PLCG1: variants seen among roughly 807,000 people sequenced by gnomAD.
PLCG1 encodes 1-phosphatidylinositol 4,5-bisphosphate phosphodiesterase gamma-1.
PLCG1 carries 71 observed loss-of-function variants against 177.8 expected under a neutral mutation model. The ratio of observed to expected loss-of-function variants is 0.40; its 90% confidence interval spans 0.33 to 0.49. The LOEUF (loss-of-function observed/expected upper bound fraction) is 0.49. Ranked by LOEUF, PLCG1 falls within the 20% of genes least tolerant of loss-of-function variation. The pLI is 0.72. For missense variants in PLCG1, 1,281 were observed against 1,709.0 expected (o/e 0.75, Z 4.42); for synonymous variants, 658 against 647.9 (o/e 1.02, Z -0.24).
At position 41,163,397 on chromosome 20, in the gene PLCG1, G is replaced by C. The variant is rs1295004952; in HGVS notation, c.809G>C (p.Arg270Pro). ...CATCAGGAGCTGTGGGCTGTTGATC[G>C]CCTCCAGGTGCAGGAGTTCATGCTC... ...DYQGELWAVD[R>P]LQVQEFMLSF... The change falls in exon 9 of 32, where the codon CGC (arginine) becomes CCC (proline). Residue 270 changes from arginine (R) to proline (P), a missense_variant. Physicochemically the swap from Arg to Pro is moderately radical, Grantham distance 103 (BLOSUM62 -2). Around this residue, in one of 4 missense-constraint regions of PLCG1, gnomAD observed 374 missense variants for 443.8 expected, o/e 0.84. Coordinates refer to ENST00000685551, the MANE Select transcript of PLCG1 (RefSeq NM_002660.3). The surrounding 1 kb of genome is among the most constrained non-coding windows in gnomAD (Gnocchi z 5.2). The C allele has an allele frequency of 1.9e-6, 3 of 1,612,912 alleles. No homozygotes were observed. The highest frequency in any genetic ancestry group is 2.5e-6 in the Non-Finnish European group (3 of 1,179,182).
rs561326901 is a variant in PLCG1, at chr20:41,173,956, G to A, written c.3590G>A (p.Ser1197Asn). The change falls in exon 30 of 32, where the codon AGT (serine) becomes AAT (asparagine). Residue 1197 changes from serine (S) to asparagine (N), a missense_variant. Ser to Asn is a conservative substitution (Grantham distance 46, BLOSUM62 1). This residue lies in a region of PLCG1 where 153 missense variants were observed against 153.2 expected (regional missense o/e 1.00). Transcript: ENST00000685551. This position sits in a 1 kb window ranked among gnomAD's most constrained non-coding sequence, Gnocchi z 6.2. ...YRAVPLKNNY[S>N]EDLELASLLI... ...GCAGTGCCTTTGAAGAACAACTACA[G>A]TGAGGACCTGGAGTTGGCCTCCCTG... The A allele has an allele frequency of 1.7e-5, 27 of 1,614,178 alleles. 1 individual carries two copies. The South Asian group carries it at 3.0e-4, about 18-fold the overall frequency.
rs2072882 is a variant in PLCG1 at position 41,159,371 on chromosome 20, A to T, written c.218-235A>T. Among the ~76,000 whole-genome samples, 6,670 of 152,232 alleles carry T rather than the reference A, an allele frequency of 0.044. 763 individuals carry two copies. The East Asian group carries it at 0.48, about 11-fold the overall frequency. On this transcript the variant is annotated intron_variant, in intron 1 of 31. Transcript: ENST00000685551. This position sits in a 1 kb window ranked among gnomAD's most constrained non-coding sequence, Gnocchi z 6.0. ...CAAAGATAGGGAAGGGACACCCCAC[A>T]GAACCACCTTTCCCCCATATAGCCC...
rs970617482 is a variant in PLCG1, at chr20:41,151,958, A to G, written c.218-7648A>G. ...CCTGCCGTACCCCACAGGGAGTTGT[A>G]TAGGAACCTGGGGATGGGGTGACTG... On this transcript the variant is annotated intron_variant, in intron 1 of 31. Coordinates refer to ENST00000685551, the MANE Select transcript of PLCG1 (RefSeq NM_002660.3). The surrounding 1 kb of genome is among the most constrained non-coding windows in gnomAD (Gnocchi z 5.5). 3.9e-5 allele frequency among the ~76,000 whole-genome samples: 6 copies of G among 152,298 alleles called. No homozygotes were observed. The highest frequency in any genetic ancestry group is 1.2e-4 in the African/African-American group (5 of 41,582).
chr20:41,165,760 C>T lies in PLCG1; in HGVS notation c.1733C>T (p.Ala578Val). 2 of 1,609,746 alleles carry T rather than the reference C, an allele frequency of 1.2e-6. No homozygotes were observed. The highest frequency in any genetic ancestry group is 2.2e-5 in the East Asian group (1 of 44,782). The change falls in exon 16 of 32, where the codon GCC becomes GTC. Residue 578 changes from alanine to valine, a missense_variant. This residue lies in a region of PLCG1 where 723 missense variants were observed against 1,030.0 expected (regional missense o/e 0.70). Transcript: ENST00000685551. This position sits in a 1 kb window ranked among gnomAD's most constrained non-coding sequence, Gnocchi z 6.6. ...ACTGAGTACTGCATCGAGACCGGAG[C>T]CCCTGACGGCTCCTTCCTCGTGCGA... is the stretch of plus-strand genomic sequence containing the variant. ...LLTEYCIETG[A>V]PDGSFLVRES...
chr20:41,150,051 C>A lies in PLCG1; in HGVS notation c.218-9555C>A, dbSNP rs971825906. Reference sequence around the variant, plus strand: ...TCTGCAAAAAATATAATCAGCCTGGCGTTGTGGTTTGCCTGTAGTCCCAGC... The same window carrying A: ...TCTGCAAAAAATATAATCAGCCTGGAGTTGTGGTTTGCCTGTAGTCCCAGC... On this transcript the variant is annotated intron_variant, in intron 1 of 31. Transcript: ENST00000685551. The surrounding 1 kb of genome is among the most constrained non-coding windows in gnomAD (Gnocchi z 4.0). Among the ~76,000 whole-genome samples, 7 of 152,046 alleles carry A rather than the reference C, an allele frequency of 4.6e-5. No homozygotes were observed. Among genetic ancestry groups the A allele is most frequent in the Admixed American group, 2.0e-4 (3 of 15,260 alleles).
intron 1 of PLCG1, among the ~76,000 whole-genome samples, chr20:41,138,158 C>A (rs1283259679): frequency 6.6e-6 from 1 of 152,130 alleles, no homozygotes; most frequent in Non-Finnish European, 1.5e-5. Flanking sequence ...AGGCATCGGG[C>A]CCCCCAGACC....
intron 1 of PLCG1, among the ~76,000 whole-genome samples, chr20:41,140,362 G>A (rs1214670949): frequency 2.0e-5 from 3 of 152,126 alleles, no homozygotes; most frequent in African/African-American, 4.8e-5. Flanking sequence ...TGATCCCTGC[G>A]GCCTCTGAGG....
rs2035715325 is a variant in PLCG1 at position 41,166,913 on chromosome 20, ATCT to A, written c.2301+56_2301+58del. On this transcript the variant is annotated intron_variant, in intron 19 of 31. Coordinates refer to ENST00000685551, the MANE Select transcript of PLCG1 (RefSeq NM_002660.3). The surrounding 1 kb of genome is among the most constrained non-coding windows in gnomAD (Gnocchi z 8.6). ...GCAGGGGAGGCAGGAGAGACCCAGAATCTTACCAGTCTCTGGATGTGTGTAACA... is the reference window on the plus strand; with the variant it reads ...GCAGGGGAGGCAGGAGAGACCCAGAATACCAGTCTCTGGATGTGTGTAACA... 6.6e-7 allele frequency: 1 copy of A among 1,512,464 alleles called. No individual in the cohort carries two copies. Among genetic ancestry groups the A allele is most frequent in the African/African-American group, 1.4e-5 (1 of 73,110 alleles). The allele number at this position is 1,512,464 out of a possible 1,614,324, so 93.7% of individuals were successfully genotyped here. A position where few individuals can be genotyped will look rare whatever the true frequency, so the allele number is the denominator to read the frequency against.
rs2035080875 is a variant in PLCG1 at position 41,148,981 on chromosome 20, ATACT to A, written c.218-10619_218-10616del. The stretch of plus-strand genomic sequence containing the variant: ...CCTCACTCGGGAATTGGGGACCCTA[ATACT>A]TACTTCATAGTGTTATTTGCAAGTA... On this transcript the variant is annotated intron_variant, in intron 1 of 31. Transcript: ENST00000685551. The surrounding 1 kb of genome is among the most constrained non-coding windows in gnomAD (Gnocchi z 4.3). 6.6e-6 allele frequency among the ~76,000 whole-genome samples: 1 copy of A among 152,234 alleles called. No individual in the cohort carries two copies. Among genetic ancestry groups the A allele is most frequent in the South Asian group, 2.1e-4 (1 of 4,832 alleles).
rs2036092404 is a variant in PLCG1, at chr20:41,177,348, G to GC, written c.*2840dup. On this transcript the variant is annotated 3_prime_UTR_variant, in exon 32 of 32. Coordinates refer to ENST00000685551, the MANE Select transcript of PLCG1 (RefSeq NM_002660.3). ...CTAAAGACTGCCCTGCGGGAAGATG[G>GC]CAGGAGCAGTTTCTGACCTCAGTTG... 6.6e-6 allele frequency: 1 copy of GC among 152,286 alleles called. No homozygotes were observed. Among genetic ancestry groups the GC allele is most frequent in the Admixed American group, 6.5e-5 (1 of 15,292 alleles). The allele number at this position is 152,286 out of a possible 1,614,324, so 9.4% of individuals were successfully genotyped here. A position where few individuals can be genotyped will look rare whatever the true frequency, so the allele number is the denominator to read the frequency against.
At chr20:41,168,989 G>A in intron 21 of PLCG1, 90 bp from the exon 22 acceptor site, 2 of 1,217,842 alleles carry the variant, frequency 1.6e-6, no homozygotes, top group Non-Finnish European at 2.4e-6. Flanking sequence ...GCCTCACCCT[G>A]GCTTAGGCAT....
At position 41,159,214 on chromosome 20, in the gene PLCG1, T is replaced by G. The variant is rs1461946539; in HGVS notation, c.218-392T>G. Among the ~76,000 whole-genome samples, 1 of 152,228 alleles carries G rather than the reference T, an allele frequency of 6.6e-6. No homozygotes were observed. The highest frequency in any genetic ancestry group is 1.5e-5 in the Non-Finnish European group (1 of 68,036). On this transcript the variant is annotated intron_variant, in intron 1 of 31. Coordinates refer to ENST00000685551, the MANE Select transcript of PLCG1 (RefSeq NM_002660.3). The surrounding 1 kb of genome is among the most constrained non-coding windows in gnomAD (Gnocchi z 6.0). ...AGGCCCATCTTGACCTACCCAGCCC[T>G]GCCTCTGGGACTTTATGATTTGATT...
In PLCG1 at chr20:41,165,492, T is replaced by C; in HGVS notation, c.1552T>C (p.Tyr518His). The C allele has an allele frequency of 6.2e-7, 1 of 1,614,054 alleles. No homozygotes were observed. The highest frequency in any genetic ancestry group is 1.1e-5 in the South Asian group (1 of 91,070). ...CTTTGTTCTGACCAGCAGCAAGATC[T>C]ACTACTCTGAGGAGACCAGCAGTGA... ...HYFVLTSSKI[Y>H]YSEETSSDQG... The change falls in exon 15 of 32, where the codon TAC (tyrosine) becomes CAC (histidine). Residue 518 changes from tyrosine (Y) to histidine (H), a missense_variant. Tyr to His is a moderately conservative substitution (Grantham distance 83, BLOSUM62 2). Coordinates refer to ENST00000685551, the MANE Select transcript of PLCG1 (RefSeq NM_002660.3). The surrounding 1 kb of genome is among the most constrained non-coding windows in gnomAD (Gnocchi z 6.6).
chr20:41,172,303 C>G lies in PLCG1; in HGVS notation c.2905+14C>G. 6.2e-7 allele frequency: 1 copy of G among 1,605,352 alleles called. No individual in the cohort carries two copies. Among genetic ancestry groups the G allele is most frequent in the Non-Finnish European group, 8.5e-7 (1 of 1,171,994 alleles). ...TTGATGAAGAGAGTAAGGGCCAGGG[C>G]CCAGGCGGGGTGTGCATGTGCCTGG... On this transcript the variant is annotated intron_variant, in intron 25 of 31. Transcript: ENST00000685551. This position sits in a 1 kb window ranked among gnomAD's most constrained non-coding sequence, Gnocchi z 7.0.
rs892226258 is a variant in PLCG1 at position 41,160,299 on chromosome 20, G to A, written c.512+146G>A. 29 of 729,166 alleles carry A rather than the reference G, an allele frequency of 4.0e-5. No individual in the cohort carries two copies. Among genetic ancestry groups the A allele is most frequent in the South Asian group, 1.7e-4 (11 of 65,118 alleles). The allele number at this position is 729,166 out of a possible 1,614,324, so 45.2% of individuals were successfully genotyped here. Reference sequence around the variant, plus strand: ...GAGGGTGGGCAGAAGGTTCTGCCACGTGTAGCTTTCTGCACAAAGTCCTCT... The same window carrying A: ...GAGGGTGGGCAGAAGGTTCTGCCACATGTAGCTTTCTGCACAAAGTCCTCT... On this transcript the variant is annotated intron_variant, in intron 4 of 31. Transcript: ENST00000685551. This position sits in a 1 kb window ranked among gnomAD's most constrained non-coding sequence, Gnocchi z 5.5.
chr20:41,158,581 T>C (rs907233517), intron 1 of PLCG1, among the ~76,000 whole-genome samples: 4 of 152,168 alleles, frequency 2.6e-5, no homozygotes, highest in African/African-American at 7.2e-5. Context: ...GTCCCACATA[T>C]AGTGCTGGGT....
rs1172551096 is a variant in PLCG1, at chr20:41,157,989, G to A, written c.218-1617G>A. ...AAGACTGGGGAAGGATGGCTGATGG[G>A]TGAGAACCAGGGGTCAGGGAAAACA... On this transcript the variant is annotated intron_variant, in intron 1 of 31. Transcript: ENST00000685551. This position sits in a 1 kb window ranked among gnomAD's most constrained non-coding sequence, Gnocchi z 5.4. Among the ~76,000 whole-genome samples the A allele has an allele frequency of 2.0e-5, 3 of 152,224 alleles. No individual in the cohort carries two copies. Among genetic ancestry groups the A allele is most frequent in the Middle Eastern group, 3.2e-3 (1 of 316 alleles).
intron 1 of PLCG1, among the ~76,000 whole-genome samples, chr20:41,154,391 C>T (rs377138855): frequency 1.3e-5 from 2 of 152,336 alleles, no homozygotes; most frequent in Non-Finnish European, 2.9e-5. Context: ...CATGTGTCTG[C>T]CCCCTAGGGC....
chr20:41,170,454 GTT>G, intron 24 of PLCG1, 185 bp downstream of exon 24: 1 of 618,364 alleles, frequency 1.6e-6, no homozygotes, highest in Non-Finnish European at 2.8e-6. Flanking sequence ...AATGTGGTGT[GTT>G]TAGGTTGTGT....
Sources: gnomAD v4.1 joint callset for allele counts (sites outside exome capture counted in the v4.1 genomes callset) on GRCh38, gnomAD v4.1.1 for gene constraint, gnomAD v4.1.1 regional missense constraint, Gnocchi (gnomAD v3.1) non-coding constraint, MANE v1.5 for transcripts, NCBI Gene and HGNC (gene_info 2026-07-23, HGNC 2026-07-21) for gene names.